Variants in SEMA5A observed in about 807,000 individuals in gnomAD.
SEMA5A encodes semaphorin 5A.
In SEMA5A, 55 loss-of-function variants were observed where a neutral mutation model predicts 135.5. That is an observed-to-expected ratio of 0.41 (90% confidence interval 0.33 to 0.51). The LOEUF is 0.51. SEMA5A is among the 20% of genes least tolerant of loss of function. The pLI is 0.37. For synonymous variants in SEMA5A, 580 were observed against 546.5 expected, an observed-to-expected ratio of 1.06 and a Z score of -0.85; for missense variants, 1,290 against 1,419.9, an observed-to-expected ratio of 0.91 and a Z score of 1.47.
At chr5:9,315,943 A>C (rs1265434118) in intron 5 of SEMA5A, among the ~76,000 whole-genome samples, 1 of 152,218 alleles carries the variant, frequency 6.6e-6, no homozygotes, top group Non-Finnish European at 1.5e-5. Context: ...ACTCTGACCC[A>C]TAAATTAGCA....
intron 5 of SEMA5A, among the ~76,000 whole-genome samples, chr5:9,303,396 A>G (rs1488072309): frequency 6.6e-6 from 1 of 152,180 alleles, no homozygotes; most frequent in African/African-American, 2.4e-5. Context: ...GAACTTGAAT[A>G]TATTTTAAAA....
intron 16 of SEMA5A, among the ~76,000 whole-genome samples, chr5:9,079,377 C>G (rs1443342721): frequency 6.6e-6 from 1 of 151,992 alleles, no homozygotes; most frequent in Non-Finnish European, 1.5e-5. Context: ...AACAAAGACA[C>G]AATGTACCAG....
intron 5 of SEMA5A, among the ~76,000 whole-genome samples, chr5:9,284,950 T>C (rs959426563): frequency 7.0e-4 from 107 of 152,300 alleles, no homozygotes; most frequent in African/African-American, 2.4e-3. Context: ...GGCACCCCCT[T>C]AGCCAGCCAG....
intron 5 of SEMA5A, among the ~76,000 whole-genome samples, chr5:9,274,503 T>G (rs1750153360): frequency 6.6e-6 from 1 of 152,118 alleles, no homozygotes; most frequent in African/African-American, 2.4e-5. Flanking sequence ...TACAGAACTC[T>G]CCACACCAAA....
intron 2 of SEMA5A, among the ~76,000 whole-genome samples, chr5:9,423,204 T>C (rs1561240915): frequency 1.3e-5 from 2 of 152,196 alleles, no homozygotes; most frequent in Admixed American, 6.5e-5. Flanking sequence ...CTAGACTTGT[T>C]CCAAATGGCT....
At chr5:9,049,059 A>G (rs1199198588) in intron 21 of SEMA5A, among the ~76,000 whole-genome samples, 2 of 152,238 alleles carry the variant, frequency 1.3e-5, no homozygotes, top group Admixed American at 6.5e-5. Context: ...GCAGGTGTTC[A>G]GCAAGGATTA....
At position 9,040,654 on chromosome 5, in the gene SEMA5A, T is replaced by C. The variant is rs113268209; in HGVS notation, c.*2243A>G. 1.5e-4 allele frequency: 23 copies of C among 152,346 alleles called. 1 individual carries two copies. Among genetic ancestry groups the C allele is most frequent in the Admixed American group, 6.5e-4 (10 of 15,310 alleles). The allele number at this position is 152,346 out of a possible 1,614,324, so 9.4% of individuals were successfully genotyped here. ...GCTAATTTCAAAGGTTTGTTTATAT[T>C]ATTAACAACATGAAGATCCTGTAGT... On this transcript the variant is annotated 3_prime_UTR_variant, in exon 23 of 23. Coordinates refer to ENST00000382496, the MANE Select transcript of SEMA5A (RefSeq NM_003966.3).
rs1365370667 is a variant in SEMA5A at position 9,084,319 on chromosome 5, G to C, written c.2074-17673C>G. On this transcript the variant is annotated intron_variant, in intron 16 of 22. Coordinates refer to ENST00000382496, the MANE Select transcript of SEMA5A (RefSeq NM_003966.3). ...GACAAGGTTAATTTGAAAGCCCACA[G>C]CATGAGTGGGGCTCCTTGTTCTCCA... Among the ~76,000 whole-genome samples the C allele has an allele frequency of 2.6e-5, 4 of 152,270 alleles. No individual in the cohort carries two copies. The East Asian group carries it at 7.7e-4, about 29-fold the overall frequency.
At chr5:9,437,996 A>G (rs376431339) in intron 1 of SEMA5A, 144 bp from the exon 2 acceptor site, 10 of 152,376 alleles carry the variant, frequency 6.6e-5, no homozygotes, top group African/African-American at 2.4e-4. Flanking sequence ...GCAGTGACGC[A>G]GGCCAGCTTG....
At chr5:9,155,481 G>C (rs1742904427) in intron 11 of SEMA5A, among the ~76,000 whole-genome samples, 1 of 152,034 alleles carries the variant, frequency 6.6e-6, no homozygotes, top group Non-Finnish European at 1.5e-5. Context: ...TGCTCTCCCA[G>C]GTACCCTGTG....
intron 11 of SEMA5A, among the ~76,000 whole-genome samples, chr5:9,173,279 GTT>G (rs35531350): frequency 0.1 from 12,724 of 121,786 alleles, 935 homozygotes; most frequent in African/African-American, 0.21. Flanking sequence ...TCTTCACCCG[GTT>G]TTTTTTTTTT....
intron 5 of SEMA5A, among the ~76,000 whole-genome samples, chr5:9,286,982 A>T (rs1750828306): frequency 1.3e-5 from 2 of 152,218 alleles, no homozygotes; most frequent in South Asian, 4.1e-4. Flanking sequence ...AATCATAAGC[A>T]AATGCTGTCC....
At chr5:9,181,706 G>A (rs1744520860) in intron 11 of SEMA5A, among the ~76,000 whole-genome samples, 1 of 152,152 alleles carries the variant, frequency 6.6e-6, no homozygotes, top group South Asian at 2.1e-4. Flanking sequence ...GGTCCGGAAG[G>A]GATGCGACAG....
At position 9,470,768 on chromosome 5, in the gene SEMA5A, A is replaced by T. The variant is rs73036742; in HGVS notation, c.-174-32916T>A. On this transcript the variant is annotated intron_variant, in intron 1 of 22. Coordinates refer to ENST00000382496, the MANE Select transcript of SEMA5A (RefSeq NM_003966.3). ...CCCCAGAAATCAGCCTGCCTCCCAA[A>T]GACAGACCTCTTCAAAGAGCACCTC... Among the ~76,000 whole-genome samples the T allele has an allele frequency of 8.5e-3, 1,301 of 152,294 alleles. 16 individuals carry two copies. Among genetic ancestry groups the T allele is most frequent in the African/African-American group, 0.03 (1,232 of 41,560 alleles).
chr5:9,286,841 T>TG (rs1750820005), intron 5 of SEMA5A, among the ~76,000 whole-genome samples: 1 of 152,166 alleles, frequency 6.6e-6, no homozygotes, highest in African/African-American at 2.4e-5. Context: ...TAAGAAACAC[T>TG]GAGTGATAAG....
intron 2 of SEMA5A, among the ~76,000 whole-genome samples, chr5:9,384,194 C>T (rs918478859): frequency 6.6e-6 from 1 of 152,096 alleles, no homozygotes; most frequent in Non-Finnish European, 1.5e-5. Context: ...GGAAGGCTAA[C>T]TCCTTGAAGA....
At chr5:9,524,243 G>A (rs965097265) in intron 1 of SEMA5A, among the ~76,000 whole-genome samples, 2 of 152,154 alleles carry the variant, frequency 1.3e-5, no homozygotes, top group African/African-American at 2.4e-5. Flanking sequence ...CCAGCCATGC[G>A]GAACTATGAG....
chr5:9,431,965 A>T (rs932160815), intron 2 of SEMA5A, among the ~76,000 whole-genome samples: 3 of 152,232 alleles, frequency 2.0e-5, no homozygotes, highest in Admixed American at 6.5e-5. Context: ...CTTCAGGAAG[A>T]TAACACACTT....
At chr5:9,480,039 C>G (rs1390833397) in intron 1 of SEMA5A, among the ~76,000 whole-genome samples, 1 of 152,158 alleles carries the variant, frequency 6.6e-6, no homozygotes, top group Admixed American at 6.5e-5. Flanking sequence ...GCATTGCTGA[C>G]CTTTGGGACC....
Sources: allele counts gnomAD v4.1 joint callset (sites outside exome capture counted in the v4.1 genomes callset), GRCh38; gene constraint gnomAD v4.1.1; transcripts MANE v1.5; gene names NCBI Gene and HGNC (gene_info 2026-07-23, HGNC 2026-07-21).